The following NF1 variants were observed in gnomAD, a reference collection of about 807,000 sequenced individuals.
The protein encoded by NF1 is neurofibromin 1.
NF1 carries 122 observed loss-of-function variants against 325.7 expected under a neutral mutation model. The observed-to-expected ratio is 0.37, with a 90% CI of 0.32 to 0.44. The LOEUF (loss-of-function observed/expected upper bound fraction) is 0.44. NF1 is among the 20% of genes least tolerant of loss of function. NF1 has a pLI of 1.00. For missense variants in NF1, 2,140 were observed against 3,415.4 expected, an observed-to-expected ratio of 0.63 and a Z score of 9.31; for synonymous variants, 1,091 against 1,186.0, an observed-to-expected ratio of 0.92 and a Z score of 1.65.
In NF1 at chr17:31,184,538, A is replaced by G. The variant is rs551617678; in HGVS notation, c.888+1873A>G. Among the ~76,000 whole-genome samples, 153 of 149,154 alleles carry G rather than the reference A, an allele frequency of 1.0e-3. 1 individual carries two copies. Among genetic ancestry groups the G allele is most frequent in the African/African-American group, 3.2e-3 (132 of 40,854 alleles). On this transcript the variant is annotated intron_variant, in intron 8 of 57. Coordinates refer to ENST00000358273, the MANE Select transcript of NF1 (RefSeq NM_001042492.3). ...GTGGCGGGCGCCTGTAGTCCCAGCT[A>G]CTCCGGAGGCTGAGGCAGGAGAATG...
intron 5 of NF1, among the ~76,000 whole-genome samples, chr17:31,175,418 T>A (rs2066004964): frequency 6.9e-6 from 1 of 145,026 alleles, no homozygotes. Flanking sequence ...GACATGATTA[T>A]AGTACACTGT....
intron 36 of NF1, chr17:31,296,409 A>G (rs1393536392): frequency 2.7e-6 from 4 of 1,483,634 alleles, no homozygotes; most frequent in Non-Finnish European, 3.8e-6. Flanking sequence ...GTCAGTTAGC[A>G]TTAGGCAAAA....
chr17:31,280,217 T>A (rs12103621), intron 36 of NF1, among the ~76,000 whole-genome samples: 44,410 of 145,962 alleles, frequency 0.3, 6,775 homozygotes, highest in East Asian at 0.44. Context: ...TTAATTTTTT[T>A]TTTTTTTAAA....
intron 1 of NF1, 98 bp downstream of exon 1, chr17:31,095,467 T>C (rs2143148470): frequency 8.6e-7 from 1 of 1,168,474 alleles, no homozygotes; most frequent in Non-Finnish European, 1.2e-6. Flanking sequence ...CGCGGCTGCC[T>C]CAGGCTCTGG....
chr17:31,171,617 C>G (rs1261237876), intron 5 of NF1, among the ~76,000 whole-genome samples: 1 of 152,154 alleles, frequency 6.6e-6, no homozygotes, highest in East Asian at 1.9e-4. Context: ...AAGTAACTTT[C>G]CCATCGAATG....
intron 33 of NF1, among the ~76,000 whole-genome samples, chr17:31,259,608 TTA>T: frequency 6.6e-6 from 1 of 152,178 alleles, no homozygotes; most frequent in African/African-American, 2.4e-5. Flanking sequence ...GAACTGAACT[TTA>T]TGATTTTAGA....
chr17:31,327,360 AT>A, intron 37 of NF1, 138 bp from the exon 38 acceptor site: 1 of 685,008 alleles, frequency 1.5e-6, no homozygotes, highest in South Asian at 1.6e-5. Context: ...TTACTGAACC[AT>A]TTGAATATAC....
At chr17:31,280,621 A>G (rs939274125) in intron 36 of NF1, among the ~76,000 whole-genome samples, 2 of 151,762 alleles carry the variant, frequency 1.3e-5, no homozygotes, top group East Asian at 3.9e-4. Context: ...AGTGGGCCAT[A>G]CTTTGCTGAC....
intron 36 of NF1, among the ~76,000 whole-genome samples, chr17:31,315,481 C>T (rs912893617): frequency 1.3e-5 from 2 of 152,156 alleles, no homozygotes; most frequent in Non-Finnish European, 2.9e-5. Flanking sequence ...GATTATTTCA[C>T]GTTGCGTGAC....
At chr17:31,208,237 A>G (rs1447517221) in intron 12 of NF1, among the ~76,000 whole-genome samples, 1 of 152,212 alleles carries the variant, frequency 6.6e-6, no homozygotes, top group African/African-American at 2.4e-5. Context: ...TAATTTTCAA[A>G]ATCATTCCTA....
intron 36 of NF1, among the ~76,000 whole-genome samples, chr17:31,299,000 G>A (rs981864711): frequency 6.6e-6 from 1 of 152,044 alleles, no homozygotes; most frequent in Admixed American, 6.6e-5. Flanking sequence ...ATGAATTTGG[G>A]TTTAGGCTGT....
chr17:31,239,956 G>T (rs1013008924), intron 29 of NF1, among the ~76,000 whole-genome samples: 2 of 152,126 alleles, frequency 1.3e-5, no homozygotes, highest in South Asian at 4.1e-4. Context: ...TAGAGACAGG[G>T]TTTCACAATA....
intron 1 of NF1, among the ~76,000 whole-genome samples, chr17:31,142,533 TGTG>T (rs1567808617): frequency 2.6e-5 from 4 of 152,284 alleles, no homozygotes; most frequent in East Asian, 1.9e-4. Context: ...TGGTTACAAA[TGTG>T]GTCTAATTTC....
intron 30 of NF1, chr17:31,252,355 T>C (rs1597738279): frequency 5.0e-6 from 1 of 201,126 alleles, no homozygotes; most frequent in Non-Finnish European, 1.0e-5. Flanking sequence ...TTGAAAAATA[T>C]GTGAAATGTT....
intron 5 of NF1, among the ~76,000 whole-genome samples, chr17:31,175,053 A>C (rs2065994448): frequency 7.3e-6 from 1 of 136,612 alleles, no homozygotes; most frequent in Non-Finnish European, 1.6e-5. Flanking sequence ...AGGTTGCGTG[A>C]GCCAAAATTG....
intron 1 of NF1, among the ~76,000 whole-genome samples, chr17:31,111,875 A>G (rs1237507665): frequency 1.3e-5 from 2 of 152,152 alleles, no homozygotes; most frequent in African/African-American, 4.8e-5. Context: ...TCTTGTTTTT[A>G]TTGCTGTTTT....
intron 34 of NF1, among the ~76,000 whole-genome samples, 173 bp downstream of exon 34, chr17:31,260,688 A>T (rs1341187579): frequency 6.6e-6 from 1 of 152,234 alleles, no homozygotes; most frequent in African/African-American, 2.4e-5. Flanking sequence ...GTTAAGTCAT[A>T]TTAAATAATC....
intron 39 of NF1, chr17:31,334,623 CA>C: frequency 5.9e-6 from 3 of 510,792 alleles, no homozygotes; most frequent in South Asian, 2.7e-5. Context: ...CAAAACTTTT[CA>C]AAAATTGGCT....
Position 31,225,259 on chromosome 17 carries a change from C to G in NF1, c.2001+9C>G, listed in dbSNP as rs755501652. 4.3e-6 allele frequency: 7 copies of G among 1,613,036 alleles called. No individual in the cohort carries two copies. In the South Asian group the frequency reaches 6.6e-5, roughly 15 times the overall value. ...AAGGGAACTCCTCTATGGTCAGCTT[C>G]TTCTGTACTTTTTCTGTATCATTTT... On this transcript the variant is annotated intron_variant, in intron 17 of 57. Coordinates refer to ENST00000358273, the MANE Select transcript of NF1 (RefSeq NM_001042492.3).
Sources: gnomAD v4.1 joint callset for allele counts (sites outside exome capture counted in the v4.1 genomes callset) on GRCh38, gnomAD v4.1.1 for gene constraint, MANE v1.5 for transcripts, NCBI Gene and HGNC (gene_info 2026-07-23, HGNC 2026-07-21) for gene names.